Variants in NINJ2 observed in about 807,000 individuals in gnomAD.
NINJ2 encodes ninjurin-2.
A neutral mutation model predicts 11.7 loss-of-function variants in NINJ2; 12 were observed. The observed-to-expected ratio is 1.02, with a 90% CI of 0.66 to 1.66. The LOEUF (loss-of-function observed/expected upper bound fraction) is 1.66. Among genes scored for constraint, NINJ2 ranks in the 40% most tolerant of loss-of-function variants. The pLI, the probability that NINJ2 is intolerant of heterozygous loss-of-function variation, is 0.00. For synonymous variants in NINJ2, 93 were observed against 76.8 expected (o/e 1.21, Z -1.10); for missense variants, 187 against 181.8 (o/e 1.03, Z -0.16).
chr12:654,239 A>G (rs1048817387), intron 1 of NINJ2, among the ~76,000 whole-genome samples: 52 of 152,236 alleles, frequency 3.4e-4, no homozygotes, highest in African/African-American at 1.2e-3. Flanking sequence ...AAGTAAATGG[A>G]TGGGGTCAGG....
intron 1 of NINJ2, among the ~76,000 whole-genome samples, chr12:620,617 A>AATTTGTTT: frequency 6.6e-6 from 1 of 151,282 alleles, no homozygotes; most frequent in African/African-American, 2.4e-5. Flanking sequence ...GTGGTTTTGA[A>AATTTGTTT]GTTTGTTTGT....
intron 1 of NINJ2, among the ~76,000 whole-genome samples, chr12:642,336 T>C (rs1279167895): frequency 6.6e-6 from 1 of 152,200 alleles, no homozygotes; most frequent in Non-Finnish European, 1.5e-5. Flanking sequence ...GTTCAAGCGA[T>C]CCTCCTGCCT....
rs150600623 is a variant in NINJ2 at position 663,430 on chromosome 12, C to G, written c.-70G>C. ...AGACTGCGTGGGCTCCTCCAGGCTCCGCCGTCTGAGTCTCTGCTGCTTTCT... is the reference window on the plus strand; with the variant it reads ...AGACTGCGTGGGCTCCTCCAGGCTCGGCCGTCTGAGTCTCTGCTGCTTTCT... On this transcript the variant is annotated 5_prime_UTR_variant, in exon 1 of 4. Coordinates refer to ENST00000305108, the MANE Select transcript of NINJ2 (RefSeq NM_016533.6). 6.8e-6 allele frequency: 11 copies of G among 1,613,944 alleles called. No individual in the cohort carries two copies.
At chr12:592,856 G>A (rs1391168900) in intron 1 of NINJ2, among the ~76,000 whole-genome samples, 1 of 152,150 alleles carries the variant, frequency 6.6e-6, no homozygotes, top group Non-Finnish European at 1.5e-5. Flanking sequence ...TCTCAGAAAA[G>A]TTATGAAAAG....
At chr12:642,248 AGTTT>A (rs199513348) in intron 1 of NINJ2, among the ~76,000 whole-genome samples, 1,579 of 152,298 alleles carry the variant, frequency 0.01, 28 homozygotes, top group African/African-American at 0.035. Flanking sequence ...CAGAAGTGGT[AGTTT>A]GTTTGTTTGT....
chr12:627,063 T>G (rs1948218434), intron 1 of NINJ2, among the ~76,000 whole-genome samples: 1 of 152,058 alleles, frequency 6.6e-6, no homozygotes, highest in Non-Finnish European at 1.5e-5. Flanking sequence ...CCGGCCTGGG[T>G]GACAGAGCCA....
intron 1 of NINJ2, among the ~76,000 whole-genome samples, chr12:635,017 T>C (rs571545235): frequency 1.2e-4 from 19 of 152,058 alleles, no homozygotes; most frequent in African/African-American, 3.9e-4. Context: ...AGTGCTGGGA[T>C]TACAGGTGTC....
intron 1 of NINJ2, among the ~76,000 whole-genome samples, chr12:634,824 T>G (rs983254412): frequency 5.9e-5 from 9 of 152,218 alleles, no homozygotes; most frequent in African/African-American, 2.2e-4. Flanking sequence ...TAACATTAAA[T>G]TCCTTTGTGT....
At chr12:587,549 G>A (rs1252401027) in intron 1 of NINJ2, among the ~76,000 whole-genome samples, 1 of 152,234 alleles carries the variant, frequency 6.6e-6, no homozygotes, top group Non-Finnish European at 1.5e-5. Context: ...CAGGCTCTCT[G>A]ACCAGTGAAG....
chr12:635,535 A>G (rs1948340703), intron 1 of NINJ2, among the ~76,000 whole-genome samples: 1 of 152,240 alleles, frequency 6.6e-6, no homozygotes, highest in Non-Finnish European at 1.5e-5. Flanking sequence ...CCACATACAA[A>G]AGAATGAAAC....
intron 1 of NINJ2, among the ~76,000 whole-genome samples, chr12:569,147 C>T (rs1465534071): frequency 6.6e-6 from 1 of 152,220 alleles, no homozygotes; most frequent in Non-Finnish European, 1.5e-5. Flanking sequence ...TGAGGACCTG[C>T]ATGGACTTGG....
intron 1 of NINJ2, among the ~76,000 whole-genome samples, chr12:641,252 G>A (rs34893244): frequency 6.6e-6 from 1 of 152,096 alleles, no homozygotes; most frequent in Admixed American, 6.6e-5. Flanking sequence ...CACTTGGAAG[G>A]GGGAATGGGA....
chr12:642,030 GC>G (rs1340427253), intron 1 of NINJ2, among the ~76,000 whole-genome samples: 3 of 152,216 alleles, frequency 2.0e-5, no homozygotes, highest in Non-Finnish European at 2.9e-5. Context: ...GGCGTGGAAG[GC>G]GGGAAAGGGC....
chr12:575,803 G>T (rs1325305612), intron 1 of NINJ2, among the ~76,000 whole-genome samples: 4 of 152,200 alleles, frequency 2.6e-5, no homozygotes, highest in African/African-American at 9.7e-5. Flanking sequence ...TGGCTTCTGG[G>T]TGGGGGAGAG....
rs1485533976 is a variant in NINJ2 at position 580,903 on chromosome 12, T to A, written c.34-14725A>T. ...GTCTATGCATGTGTCTGTGTGTCTG[T>A]GTGTGTGTCTGTATGTTTGTGTGTG... On this transcript the variant is annotated intron_variant, in intron 1 of 3. Coordinates refer to ENST00000305108, the MANE Select transcript of NINJ2 (RefSeq NM_016533.6). This position sits in a 1 kb window ranked among gnomAD's most constrained non-coding sequence, Gnocchi z 4.7. Among the ~76,000 whole-genome samples the A allele has an allele frequency of 6.6e-6, 1 of 151,696 alleles. No individual in the cohort carries two copies. Among genetic ancestry groups the A allele is most frequent in the East Asian group, 2.0e-4 (1 of 5,110 alleles).
chr12:575,764 G>A (rs767666982), intron 1 of NINJ2, among the ~76,000 whole-genome samples: 14 of 152,208 alleles, frequency 9.2e-5, no homozygotes, highest in Non-Finnish European at 2.1e-4. Flanking sequence ...CAAAAGTAAG[G>A]CTCTTTAAGG....
chr12:599,278 C>G (rs10774356), intron 1 of NINJ2, among the ~76,000 whole-genome samples: 111,348 of 151,626 alleles, frequency 0.73, 41,096 homozygotes, highest in Non-Finnish European at 0.78. Context: ...CAGCTACTTG[C>G]GGGGCTGAGG....
Position 633,596 on chromosome 12 carries a change from A to T in NINJ2, c.33+29732T>A, listed in dbSNP as rs1377328390. 6.6e-6 allele frequency among the ~76,000 whole-genome samples: 1 copy of T among 152,180 alleles called. No individual in the cohort carries two copies. The highest frequency in any genetic ancestry group is 1.5e-5 in the Non-Finnish European group (1 of 68,030). On this transcript the variant is annotated intron_variant, in intron 1 of 3. Transcript: ENST00000305108. This position sits in a 1 kb window ranked among gnomAD's most constrained non-coding sequence, Gnocchi z 4.3. ...TTTGGGAGGCTGAGGCAGGCAGATC[A>T]CTTGAGGCCAGGAGTTCAAGACCAG... is the stretch of plus-strand genomic sequence containing the variant.
At chr12:603,393 C>T (rs1460047216) in intron 1 of NINJ2, among the ~76,000 whole-genome samples, 2 of 152,114 alleles carry the variant, frequency 1.3e-5, no homozygotes, top group Non-Finnish European at 2.9e-5. Context: ...CTTGATGGTG[C>T]CATTTGAAAC....
Sources: allele counts gnomAD v4.1 joint callset (sites outside exome capture counted in the v4.1 genomes callset), GRCh38; gene constraint gnomAD v4.1.1; non-coding constraint Gnocchi (gnomAD v3.1); transcripts MANE v1.5; gene names NCBI Gene and HGNC (gene_info 2026-07-23, HGNC 2026-07-21).